The following COL5A2 variants were observed in gnomAD, a reference collection of about 807,000 sequenced individuals.
COL5A2 encodes collagen type V alpha 2 chain, also known as collagen alpha-2(V) chain.
A neutral mutation model predicts 208.2 loss-of-function variants in COL5A2; 23 were observed. The observed-to-expected ratio is 0.11, with a 90% CI of 0.08 to 0.16. The LOEUF (loss-of-function observed/expected upper bound fraction) is 0.16, where lower values mean the gene tolerates loss of function less well. Among genes scored for constraint, COL5A2 ranks in the 10% least tolerant of loss-of-function variants. The probability of loss-of-function intolerance (pLI) is 1.00; values close to 1 mark genes in which losing one functional copy is unlikely to be tolerated. For synonymous variants in COL5A2, 625 were observed against 628.5 expected (o/e 0.99, Z 0.08); for missense variants, 1,590 against 1,956.4 (o/e 0.81, Z 3.53).
intron 3 of COL5A2, among the ~76,000 whole-genome samples, chr2:189,103,872 C>T (rs1687098165): frequency 6.6e-6 from 1 of 151,960 alleles, no homozygotes; most frequent in Non-Finnish European, 1.5e-5. Context: ...TTCCTTCCTC[C>T]CTCACTTTCT....
intron 1 of COL5A2, among the ~76,000 whole-genome samples, chr2:189,219,950 G>T (rs2105877521): frequency 6.6e-6 from 1 of 152,018 alleles, no homozygotes; most frequent in South Asian, 2.1e-4. Flanking sequence ...AATAATTTTT[G>T]AACAAAGGGG....
chr2:189,374,745 A>G, the COL5A2 span, among the ~76,000 whole-genome samples: 1 of 152,236 alleles, frequency 6.6e-6, no homozygotes, highest in Non-Finnish European at 1.5e-5. Flanking sequence ...ACTTGAAAGT[A>G]TGCCTTCAGG....
chr2:189,043,007 CA>C (rs1685591126), intron 48 of COL5A2, 143 bp downstream of exon 48: 1 of 789,040 alleles, frequency 1.3e-6, no homozygotes, highest in Non-Finnish European at 2.2e-6. Context: ...TGGCAATTAT[CA>C]CTTGTTATTC....
At chr2:189,325,030 A>G in the COL5A2 span, among the ~76,000 whole-genome samples, 1 of 152,144 alleles carries the variant, frequency 6.6e-6, no homozygotes, top group Non-Finnish European at 1.5e-5. Context: ...ACATGGATGA[A>G]GTTGGAAACC....
the COL5A2 span, among the ~76,000 whole-genome samples, chr2:189,254,996 C>T: frequency 7.3e-4 from 111 of 152,336 alleles, no homozygotes; most frequent in African/African-American, 2.5e-3. Flanking sequence ...TATCTGCACA[C>T]TGCATCCTAC....
the COL5A2 span, among the ~76,000 whole-genome samples, chr2:189,306,851 A>G: frequency 2.6e-5 from 4 of 152,190 alleles, no homozygotes; most frequent in Non-Finnish European, 5.9e-5. Context: ...TCTTTGTATT[A>G]TTGGTGTGAT....
chr2:189,144,238 AAG>A (rs923040692), intron 1 of COL5A2, among the ~76,000 whole-genome samples: 34 of 152,268 alleles, frequency 2.2e-4, no homozygotes, highest in African/African-American at 8.2e-4. Context: ...AGACAGATGA[AAG>A]AGAAAAAAAA....
the COL5A2 span, among the ~76,000 whole-genome samples, chr2:189,334,176 G>A: frequency 3.3e-5 from 5 of 151,824 alleles, no homozygotes; most frequent in Admixed American, 1.3e-4. Flanking sequence ...ATAGTAAAAC[G>A]CTGAAGGCTG....
the COL5A2 span, among the ~76,000 whole-genome samples, chr2:189,403,919 G>A: frequency 6.6e-6 from 1 of 151,950 alleles, no homozygotes; most frequent in African/African-American, 2.4e-5. Context: ...TTTTAATAGA[G>A]ACAGGGTTTC....
chr2:189,078,626 G>A, intron 15 of COL5A2, 57 bp from the exon 16 acceptor site: 1 of 1,324,838 alleles, frequency 7.5e-7, no homozygotes, highest in Non-Finnish European at 1.1e-6. Context: ...ATGTAGAGTA[G>A]TCTGACTACC....
chr2:189,359,692 G>A, the COL5A2 span, among the ~76,000 whole-genome samples: 1 of 152,076 alleles, frequency 6.6e-6, no homozygotes, highest in Non-Finnish European at 1.5e-5. Flanking sequence ...AAGCCATCAG[G>A]TCCTGGGCTT....
At chr2:189,347,626 T>C in the COL5A2 span, among the ~76,000 whole-genome samples, 1 of 152,104 alleles carries the variant, frequency 6.6e-6, no homozygotes, top group African/African-American at 2.4e-5. Flanking sequence ...GATAGACCAA[T>C]AGTGACATCT....
chr2:189,243,419 A>C, the COL5A2 span, among the ~76,000 whole-genome samples: 175 of 152,334 alleles, frequency 1.1e-3, no homozygotes, highest in African/African-American at 3.9e-3. Flanking sequence ...GAGGTCTCAC[A>C]ATCATGGCAG....
chr2:189,097,633 G>A (rs1279185671), intron 5 of COL5A2: 1 of 557,140 alleles, frequency 1.8e-6, no homozygotes, highest in South Asian at 1.5e-5. Flanking sequence ...GATCATATTT[G>A]CTGTCTTCTC....
At chr2:189,066,943 G>A (rs541833235) in intron 21 of COL5A2, among the ~76,000 whole-genome samples, 161 bp from the exon 22 acceptor site, 1 of 152,210 alleles carries the variant, frequency 6.6e-6, no homozygotes, top group Non-Finnish European at 1.5e-5. Context: ...ATGTGAATAT[G>A]TTAATATGTG....
At chr2:189,370,938 T>C in the COL5A2 span, among the ~76,000 whole-genome samples, 5,532 of 152,246 alleles carry the variant, frequency 0.036, 116 homozygotes, top group Admixed American at 0.05. Context: ...CGTGTTGAAA[T>C]GTAGTCCTCA....
Position 189,061,735 on chromosome 2 carries a change from C to T in COL5A2, c.1978-120G>A, listed in dbSNP as rs952727804. On this transcript the variant is annotated intron_variant, in intron 29 of 53. Coordinates refer to ENST00000374866, the MANE Select transcript of COL5A2 (RefSeq NM_000393.5). ...ATTTCTTCCAATCACATGTTTTTCT[C>T]TTTAGCCAGGTAATAAACTAGTATT... 3.7e-6 allele frequency: 3 copies of T among 813,326 alleles called. No homozygotes were observed. In the Admixed American group the frequency reaches 6.0e-5, roughly 16 times the overall value. 50.4% of individuals were successfully genotyped at this position (813,326 alleles called of 1,614,324 possible).
At chr2:189,414,229 G>A in the COL5A2 span, among the ~76,000 whole-genome samples, 2 of 151,868 alleles carry the variant, frequency 1.3e-5, no homozygotes, top group Admixed American at 1.3e-4. Context: ...AAATCAAAGG[G>A]GAAATTTACA....
At chr2:189,036,847 A>C in intron 51 of COL5A2, 44 bp from the exon 52 acceptor site, 2 of 1,364,188 alleles carry the variant, frequency 1.5e-6, no homozygotes, top group Non-Finnish European at 2.1e-6. Flanking sequence ...GACAATCTCA[A>C]TCATGACTAT....
Sources: gnomAD v4.1 joint callset for allele counts (sites outside exome capture counted in the v4.1 genomes callset) on GRCh38, gnomAD v4.1.1 for gene constraint, MANE v1.5 for transcripts, NCBI Gene and HGNC (gene_info 2026-07-23, HGNC 2026-07-21) for gene names.